VWA8: variants seen among roughly 807,000 people sequenced by gnomAD.
The protein encoded by VWA8 is von Willebrand factor A domain containing 8.
Under a neutral mutation model 241.5 loss-of-function variants are expected in VWA8, and 221 were observed. That is an observed-to-expected ratio of 0.91 (90% CI 0.82 to 1.02). The LOEUF (loss-of-function observed/expected upper bound fraction) is 1.02, where lower values mean the gene tolerates loss of function less well. VWA8 is among the 50% of genes least tolerant of loss of function. The pLI is 0.00. For missense variants in VWA8, 2,322 were observed against 2,328.7 expected (o/e 1.00, Z 0.06); for synonymous variants, 852 against 827.1 (o/e 1.03, Z -0.52).
At position 41,580,397 on chromosome 13, in the gene VWA8, G is replaced by A. The variant is rs373143941; in HGVS notation, c.5272-4559C>T. On this transcript the variant is annotated intron_variant, in intron 42 of 44. Transcript: ENST00000379310. ...GACTGATCTCCATTTCTAAACCTGT[G>A]AAACATTCTTGAGGTACTGGAAAGA... Among the ~76,000 whole-genome samples, 35 of 152,274 alleles carry A rather than the reference G, an allele frequency of 2.3e-4. No individual in the cohort carries two copies. The East Asian group carries it at 4.2e-3, about 18-fold the overall frequency.
intron 9 of VWA8, among the ~76,000 whole-genome samples, chr13:41,881,655 C>T (rs1257997605): frequency 1.3e-5 from 2 of 150,472 alleles, no homozygotes; most frequent in African/African-American, 4.9e-5. Context: ...CAGAGGGCTC[C>T]TCACTTCCCA....
intron 26 of VWA8, 121 bp from the exon 27 acceptor site, chr13:41,703,532 G>T: frequency 1.2e-5 from 9 of 730,372 alleles, no homozygotes; most frequent in Middle Eastern, 2.4e-4. Context: ...TTAGAAGTGA[G>T]TTATACATCA....
chr13:41,621,126 AAATCATACTTC>A (rs1312370746), intron 37 of VWA8, among the ~76,000 whole-genome samples: 2 of 152,212 alleles, frequency 1.3e-5, no homozygotes, highest in Non-Finnish European at 2.9e-5. Context: ...CATTCAATAG[AAATCATACTTC>A]AATTACCCAT....
intron 34 of VWA8, among the ~76,000 whole-genome samples, chr13:41,686,943 A>T (rs1004749724): frequency 6.6e-6 from 1 of 152,082 alleles, no homozygotes; most frequent in Non-Finnish European, 1.5e-5. Flanking sequence ...GTCCATCACT[A>T]GTGGTTACCT....
At chr13:41,778,177 T>G in intron 19 of VWA8, 121 bp from the exon 20 acceptor site, 1 of 565,302 alleles carries the variant, frequency 1.8e-6, no homozygotes, top group Non-Finnish European at 2.6e-6. Context: ...TATCAATCGA[T>G]TTGATATAAC....
At chr13:41,907,013 G>A (rs1308891836) in intron 4 of VWA8, among the ~76,000 whole-genome samples, 1 of 151,590 alleles carries the variant, frequency 6.6e-6, no homozygotes, top group African/African-American at 2.4e-5. Context: ...CTTATTTATA[G>A]GCTCTATCCT....
At chr13:41,723,338 G>A (rs780012889) in intron 24 of VWA8, among the ~76,000 whole-genome samples, 1 of 152,166 alleles carries the variant, frequency 6.6e-6, no homozygotes, top group Non-Finnish European at 1.5e-5. Context: ...TACTGCTTTT[G>A]CTGAATAATC....
In VWA8 at chr13:41,674,166, AT is replaced by A. The variant is rs568168824; in HGVS notation, c.4409+1048del. Among the ~76,000 whole-genome samples, 47 of 152,196 alleles carry A rather than the reference AT, an allele frequency of 3.1e-4. 1 individual carries two copies. The South Asian group carries it at 9.1e-3, about 30-fold the overall frequency. On this transcript the variant is annotated intron_variant, in intron 36 of 44. Transcript: ENST00000379310. ...TTTCTTTGAATGATTTTGTTTTCAT[AT>A]TTTTTTAATCTGATTAAAGGGTCCT... is the stretch of plus-strand genomic sequence containing the variant.
At chr13:41,950,570 A>G (rs559200060) in intron 1 of VWA8, among the ~76,000 whole-genome samples, 11 of 150,688 alleles carry the variant, frequency 7.3e-5, no homozygotes, top group Non-Finnish European at 1.2e-4. Context: ...GGGTTTCACC[A>G]TGTTAGCCAG....
At chr13:41,592,428 T>C (rs1490545601) in intron 40 of VWA8, among the ~76,000 whole-genome samples, 8 of 150,770 alleles carry the variant, frequency 5.3e-5, no homozygotes, top group Non-Finnish European at 8.9e-5. Context: ...GTAACTAACC[T>C]GCACAATGTG....
At chr13:41,930,604 T>C (rs1350386184) in intron 2 of VWA8, among the ~76,000 whole-genome samples, 2 of 152,098 alleles carry the variant, frequency 1.3e-5, no homozygotes, top group Non-Finnish European at 2.9e-5. Flanking sequence ...TTCCACACAT[T>C]TGACTGCATG....
Position 41,691,464 on chromosome 13 carries a change from G to A in VWA8, c.3741-19C>T. ...GCTGTTCCTGGAAAAGAAGAAAACT[G>A]TATCTGAAAGGAAATGGTGAGGATA... On this transcript the variant is annotated intron_variant, in intron 31 of 44. Transcript: ENST00000379310. 1 of 1,609,930 alleles carries A rather than the reference G, an allele frequency of 6.2e-7. No individual in the cohort carries two copies. The highest frequency in any genetic ancestry group is 8.5e-7 in the Non-Finnish European group (1 of 1,177,680).
intron 40 of VWA8, among the ~76,000 whole-genome samples, chr13:41,598,414 T>C (rs909454904): frequency 5.3e-5 from 8 of 152,054 alleles, no homozygotes; most frequent in Non-Finnish European, 1.2e-4. Flanking sequence ...ATTCTTGATA[T>C]TTGAGTTTTT....
At chr13:41,925,373 A>G (rs1052117881) in intron 2 of VWA8, among the ~76,000 whole-genome samples, 3 of 152,224 alleles carry the variant, frequency 2.0e-5, no homozygotes, top group Non-Finnish European at 4.4e-5. Context: ...CCGATACTGT[A>G]AACAGTGTGT....
At chr13:41,948,472 A>G (rs1332428157) in intron 2 of VWA8, among the ~76,000 whole-genome samples, 1 of 152,190 alleles carries the variant, frequency 6.6e-6, no homozygotes, top group Non-Finnish European at 1.5e-5. Context: ...ATAAACTAAA[A>G]TTACTGAATT....
intron 9 of VWA8, among the ~76,000 whole-genome samples, chr13:41,872,866 G>A (rs1007698676): frequency 2.0e-5 from 3 of 152,110 alleles, no homozygotes; most frequent in African/African-American, 2.4e-5. Context: ...AGCTTGATGG[G>A]GATGGCATTG....
chr13:41,653,927 T>A (rs1248353689), intron 37 of VWA8, among the ~76,000 whole-genome samples: 1 of 152,170 alleles, frequency 6.6e-6, no homozygotes, highest in African/African-American at 2.4e-5. Flanking sequence ...ATTAAAGACT[T>A]AAATCTAAGA....
intron 40 of VWA8, among the ~76,000 whole-genome samples, chr13:41,600,379 G>T (rs1229783561): frequency 6.6e-6 from 1 of 152,088 alleles, no homozygotes; most frequent in Non-Finnish European, 1.5e-5. Flanking sequence ...ACCATGTCTT[G>T]AGTGATGAGC....
intron 5 of VWA8, among the ~76,000 whole-genome samples, chr13:41,888,240 A>G (rs546863520): frequency 6.6e-6 from 1 of 152,294 alleles, no homozygotes; most frequent in African/African-American, 2.4e-5. Context: ...GGCTCTTCAC[A>G]TTCTTCAGCA....
Sources: allele counts gnomAD v4.1 joint callset (sites outside exome capture counted in the v4.1 genomes callset), GRCh38; gene constraint gnomAD v4.1.1; transcripts MANE v1.5; gene names NCBI Gene and HGNC (gene_info 2026-07-23, HGNC 2026-07-21).